The following IDO2 variants were observed in gnomAD, a reference collection of about 807,000 sequenced individuals.
The protein encoded by IDO2 is indoleamine 2,3-dioxygenase-like 1 protein.
A neutral mutation model predicts 45.1 loss-of-function variants in IDO2; 46 were observed. The ratio of observed to expected loss-of-function variants is 1.02; its 90% CI spans 0.80 to 1.30. The LOEUF (loss-of-function observed/expected upper bound fraction) is 1.30, where lower values mean the gene tolerates loss of function less well. IDO2 is among the 50% of genes most tolerant of loss of function. The pLI, the probability that IDO2 is intolerant of heterozygous loss-of-function variation, is 0.00. For synonymous variants in IDO2, 218 were observed against 184.9 expected, an observed-to-expected ratio of 1.18 and a Z score of -1.45; for missense variants, 544 against 491.8, an observed-to-expected ratio of 1.11 and a Z score of -1.00.
chr8:40,000,944 C>A (rs1486899952), intron 8 of IDO2, among the ~76,000 whole-genome samples: 2 of 152,000 alleles, frequency 1.3e-5, no homozygotes, highest in Non-Finnish European at 2.9e-5. Flanking sequence ...TATAGTGGTG[C>A]TTCATCATGG....
chr8:39,990,616 G>A (rs571063220), intron 8 of IDO2, among the ~76,000 whole-genome samples: 1 of 152,190 alleles, frequency 6.6e-6, no homozygotes, highest in African/African-American at 2.4e-5. Flanking sequence ...CATAGCCAAG[G>A]TTAATGATCT....
At chr8:39,949,361 A>G in intron 2 of IDO2, 97 bp downstream of exon 2, 1 of 829,716 alleles carries the variant, frequency 1.2e-6, no homozygotes, top group Non-Finnish European at 1.9e-6. Context: ...TAAGAGACCA[A>G]TATAAATATC....
intron 4 of IDO2, 72 bp downstream of exon 4, chr8:39,979,258 T>C (rs1808306244): frequency 6.5e-7 from 1 of 1,536,932 alleles, no homozygotes; most frequent in African/African-American, 1.4e-5. Flanking sequence ...GCTCCCTGCT[T>C]GGTGCTACCC....
At chr8:39,946,165 C>T (rs1398513182) in intron 1 of IDO2, among the ~76,000 whole-genome samples, 1 of 152,180 alleles carries the variant, frequency 6.6e-6, no homozygotes, top group Non-Finnish European at 1.5e-5. Context: ...GGTGGCACCA[C>T]CCAGATTGAT....
chr8:39,993,035 C>T (rs931865149), intron 8 of IDO2, among the ~76,000 whole-genome samples: 4 of 152,126 alleles, frequency 2.6e-5, no homozygotes, highest in Admixed American at 1.3e-4. Context: ...AGGCAGAAGT[C>T]CACACGGTAC....
At chr8:40,002,751 G>T (rs1390454963) in intron 8 of IDO2, among the ~76,000 whole-genome samples, 1 of 152,122 alleles carries the variant, frequency 6.6e-6, no homozygotes, top group African/African-American at 2.4e-5. Flanking sequence ...CTGTACTCCA[G>T]CCTGGGTGAC....
intron 4 of IDO2, 149 bp downstream of exon 4, chr8:39,979,335 T>C: frequency 2.0e-6 from 1 of 505,934 alleles, no homozygotes; most frequent in Non-Finnish European, 3.1e-6. Context: ...GATGAAGGGC[T>C]CATTTATTAT....
At chr8:39,952,181 G>C (rs949730729) in intron 2 of IDO2, among the ~76,000 whole-genome samples, 6 of 152,216 alleles carry the variant, frequency 3.9e-5, no homozygotes, top group Middle Eastern at 3.4e-3. Context: ...AGATAAGGAG[G>C]GACCCAGCCA....
chr8:40,005,479 C>T (rs1423736816), intron 9 of IDO2, 101 bp downstream of exon 9: 2 of 653,970 alleles, frequency 3.1e-6, no homozygotes, highest in Admixed American at 3.4e-5. Context: ...AAGAAACATA[C>T]CAAGTGACTC....
intron 8 of IDO2, among the ~76,000 whole-genome samples, chr8:39,996,073 T>TAAA (rs59691325): frequency 0.11 from 15,541 of 141,428 alleles, 1,195 homozygotes; most frequent in East Asian, 0.33. Context: ...TACCTAAGAG[T>TAAA]AAAAAAAAAA....
chr8:39,984,454 G>A (rs140828889), intron 5 of IDO2, among the ~76,000 whole-genome samples: 2,541 of 152,296 alleles, frequency 0.017, 35 homozygotes, highest in Non-Finnish European at 0.023. Flanking sequence ...CAGCCTGGGT[G>A]ACAGAGTGAG....
rs780359135 is a variant in IDO2, at chr8:39,949,397, A to G, written c.99+133A>G. 2.7e-4 allele frequency: 172 copies of G among 646,402 alleles called. 1 individual carries two copies. The highest frequency in any genetic ancestry group is 4.1e-4 in the Non-Finnish European group (158 of 384,066). The allele number at this position is 646,402 out of a possible 1,614,324, so 40.0% of individuals were successfully genotyped here. A position where few individuals can be genotyped will look rare whatever the true frequency, so the allele number is the denominator to read the frequency against. On this transcript the variant is annotated intron_variant, in intron 2 of 10. Coordinates refer to ENST00000502986, the Ensembl canonical transcript of IDO2. ...AAGTTGTTTACCTGAGAAAGATGCT[A>G]CAAAGAGCATAGATTATCATTACTA...
intron 1 of IDO2, among the ~76,000 whole-genome samples, chr8:39,945,044 G>T (rs904600921): frequency 6.6e-6 from 1 of 152,148 alleles, no homozygotes; most frequent in Non-Finnish European, 1.5e-5. Context: ...AACTGGACAG[G>T]GTTATTCACA....
intron 3 of IDO2, among the ~76,000 whole-genome samples, chr8:39,969,863 A>G (rs942674133): frequency 2.6e-5 from 3 of 115,672 alleles, no homozygotes; most frequent in Non-Finnish European, 5.2e-5. Context: ...CAACAAGAGT[A>G]AAACTCCTTC....
At chr8:39,975,266 C>T (rs983514747) in intron 3 of IDO2, among the ~76,000 whole-genome samples, 7 of 150,822 alleles carry the variant, frequency 4.6e-5, no homozygotes, top group East Asian at 2.0e-4. Context: ...CCTGGGTTCA[C>T]GCCATTCAAC....
intron 2 of IDO2, among the ~76,000 whole-genome samples, chr8:39,950,245 C>T (rs773571278): frequency 6.6e-6 from 1 of 152,116 alleles, no homozygotes; most frequent in Non-Finnish European, 1.5e-5. Flanking sequence ...ATCGTGGGGT[C>T]CAGGCCAGGT....
At chr8:39,962,685 T>C (rs556484453) in intron 2 of IDO2, among the ~76,000 whole-genome samples, 65 of 152,284 alleles carry the variant, frequency 4.3e-4, no homozygotes, top group Non-Finnish European at 7.2e-4. Context: ...CACCTCACAA[T>C]GGAGCACCAG....
intron 8 of IDO2, among the ~76,000 whole-genome samples, chr8:40,003,123 C>T (rs1267856584): frequency 6.6e-6 from 1 of 151,508 alleles, no homozygotes; most frequent in Non-Finnish European, 1.5e-5. Flanking sequence ...AGAGTATATC[C>T]CTTCGGGAGG....
chr8:39,945,967 C>G (rs539119648), intron 1 of IDO2, among the ~76,000 whole-genome samples: 1 of 152,166 alleles, frequency 6.6e-6, no homozygotes, highest in Non-Finnish European at 1.5e-5. Context: ...AGTAACAGCC[C>G]TTTCCCAAAG....
Sources: allele counts gnomAD v4.1 joint callset (sites outside exome capture counted in the v4.1 genomes callset), GRCh38; gene constraint gnomAD v4.1.1; transcripts MANE v1.5; gene names NCBI Gene and HGNC (gene_info 2026-07-23, HGNC 2026-07-21).